ATRNL1: variants seen among roughly 807,000 people sequenced by gnomAD.
ATRNL1 encodes the protein attractin like 1.
Under a neutral mutation model 182.7 loss-of-function variants are expected in ATRNL1, and 95 were observed. The ratio of observed to expected loss-of-function variants is 0.52; its 90% CI spans 0.44 to 0.62. The LOEUF (loss-of-function observed/expected upper bound fraction) is 0.62, where lower values mean the gene tolerates loss of function less well. Among genes scored for constraint, ATRNL1 ranks in the 20% least tolerant of loss-of-function variants. The probability of loss-of-function intolerance (pLI) is 0.00; values close to 1 mark genes in which losing one functional copy is unlikely to be tolerated. For missense variants in ATRNL1, 1,471 were observed against 1,679.5 expected (o/e 0.88, Z 2.17); for synonymous variants, 576 against 568.3 (o/e 1.01, Z -0.19).
chr10:115,797,488 A>T (rs1233769137), intron 27 of ATRNL1, among the ~76,000 whole-genome samples: 2 of 152,130 alleles, frequency 1.3e-5, no homozygotes, highest in Non-Finnish European at 2.9e-5. Context: ...CAGCCCACCA[A>T]CTGCAAGGCT....
At chr10:115,639,793 G>A (rs1859115975) in intron 26 of ATRNL1, among the ~76,000 whole-genome samples, 1 of 148,842 alleles carries the variant, frequency 6.7e-6, no homozygotes, top group Non-Finnish European at 1.5e-5. Flanking sequence ...ATGAAAATGA[G>A]GGGTTTTTTT....
At chr10:115,944,217 C>A (rs1318003838) in intron 28 of ATRNL1, among the ~76,000 whole-genome samples, 1 of 120,624 alleles carries the variant, frequency 8.3e-6, no homozygotes, top group Non-Finnish European at 1.9e-5. Context: ...AATATTGGTT[C>A]AATTTTTCTG....
intron 10 of ATRNL1, among the ~76,000 whole-genome samples, chr10:115,256,043 A>T (rs887620885): frequency 1.3e-5 from 2 of 152,172 alleles, no homozygotes; most frequent in African/African-American, 4.8e-5. Context: ...GTTTGCCAGT[A>T]TTTTATTGAG....
At chr10:115,257,356 T>G (rs978531437) in intron 10 of ATRNL1, among the ~76,000 whole-genome samples, 1 of 152,238 alleles carries the variant, frequency 6.6e-6, no homozygotes, top group Admixed American at 6.5e-5. Flanking sequence ...CTCTTCTTGT[T>G]AAATTGATCC....
chr10:115,433,785 G>C (rs1244714113), intron 21 of ATRNL1, among the ~76,000 whole-genome samples: 4 of 151,998 alleles, frequency 2.6e-5, no homozygotes, highest in Non-Finnish European at 5.9e-5. Context: ...AAATTTATTT[G>C]ACTTATATAT....
Position 115,230,870 on chromosome 10 carries a change from T to TGAGAGAGAGAGAGAGAGAGAGA in ATRNL1, c.1533-10670_1533-10649dup, listed in dbSNP as rs1169884107. The stretch of plus-strand genomic sequence containing the variant: ...ACTAGGGGACTGGATATAGAGTGGA[T>TGAGAGAGAGAGAGAGAGAGAGA]GAGAGAGAGAGAGAGAGAGAGAGAG... On this transcript the variant is annotated intron_variant, in intron 9 of 28. Transcript: ENST00000355044. Among the ~76,000 whole-genome samples, 151 of 83,718 alleles carry TGAGAGAGAGAGAGAGAGAGAGA rather than the reference T, an allele frequency of 1.8e-3. 2 individuals carry two copies. The highest frequency in any genetic ancestry group is 2.2e-3 in the Non-Finnish European group (102 of 45,532). 54.9% of individuals were successfully genotyped at this position (83,718 alleles called of 152,430 possible). A position where few individuals can be genotyped will look rare whatever the true frequency, so the allele number is the denominator to read the frequency against.
intron 25 of ATRNL1, among the ~76,000 whole-genome samples, chr10:115,533,134 A>G (rs1554988931): frequency 6.6e-6 from 1 of 152,106 alleles, no homozygotes; most frequent in African/African-American, 2.4e-5. Flanking sequence ...GTTAGGGAGG[A>G]TTCCCTCTTT....
intron 26 of ATRNL1, among the ~76,000 whole-genome samples, chr10:115,645,458 C>A (rs573990416): frequency 1.4e-3 from 200 of 146,016 alleles, no homozygotes; most frequent in African/African-American, 4.6e-3. Context: ...ATTTATATAT[C>A]TATATAATAT....
chr10:115,334,558 A>G (rs2134074432), intron 19 of ATRNL1, 139 bp downstream of exon 19: 3 of 464,958 alleles, frequency 6.5e-6, no homozygotes, highest in Non-Finnish European at 1.1e-5. Context: ...AGTAATACAT[A>G]TTAGAAACTG....
At chr10:115,898,615 G>C (rs144568426) in intron 28 of ATRNL1, among the ~76,000 whole-genome samples, 495 of 152,270 alleles carry the variant, frequency 3.3e-3, no homozygotes, top group African/African-American at 0.011. Context: ...CACACACCTT[G>C]TCTAGGAGAC....
At chr10:115,309,629 T>C (rs551604024) in intron 17 of ATRNL1, among the ~76,000 whole-genome samples, 1 of 152,248 alleles carries the variant, frequency 6.6e-6, no homozygotes, top group African/African-American at 2.4e-5. Flanking sequence ...TTTGTAACCT[T>C]AGACTTTACT....
intron 10 of ATRNL1, among the ~76,000 whole-genome samples, chr10:115,249,382 A>G (rs1554904893): frequency 6.6e-6 from 1 of 152,218 alleles, no homozygotes; most frequent in East Asian, 1.9e-4. Flanking sequence ...TATATTGTGA[A>G]AAAACATGAG....
chr10:115,093,463 C>T lies in ATRNL1; in HGVS notation c.-288C>T, dbSNP rs1478246064. 3 of 567,230 alleles carry T rather than the reference C, an allele frequency of 5.3e-6. No individual in the cohort carries two copies. Among genetic ancestry groups the T allele is most frequent in the Admixed American group, 2.5e-5 (1 of 39,790 alleles). 35.1% of individuals were successfully genotyped at this position (567,230 alleles called of 1,614,324 possible). A position where few individuals can be genotyped will look rare whatever the true frequency, so the allele number is the denominator to read the frequency against. ...AGCGCCGGGCGCAGTCTGCGCCTCC[C>T]GCTCCCCGCCTCCGGCCGGGTCCGG... On this transcript the variant is annotated 5_prime_UTR_variant, in exon 1 of 29. Transcript: ENST00000355044. This position sits in a 1 kb window ranked among gnomAD's most constrained non-coding sequence, Gnocchi z 6.1.
chr10:115,389,584 A>ACATATATATATATG (rs1564990313), intron 19 of ATRNL1, among the ~76,000 whole-genome samples: 1 of 97,464 alleles, frequency 1.0e-5, no homozygotes, highest in African/African-American at 4.1e-5. Context: ...ATATATATAT[A>ACATATATATATATG]TATATATTTC....
At chr10:115,314,919 G>A (rs928177331) in intron 17 of ATRNL1, among the ~76,000 whole-genome samples, 2 of 152,192 alleles carry the variant, frequency 1.3e-5, no homozygotes, top group Non-Finnish European at 2.9e-5. Flanking sequence ...CCTGGCTGAA[G>A]GAGAGTACCA....
chr10:115,120,969 G>A (rs1001264714), intron 2 of ATRNL1, among the ~76,000 whole-genome samples: 23 of 152,066 alleles, frequency 1.5e-4, no homozygotes, highest in African/African-American at 5.3e-4. Context: ...AATAAGAATA[G>A]TGGCTTCTTG....
chr10:115,337,989 C>T (rs1288552474), intron 19 of ATRNL1, among the ~76,000 whole-genome samples: 4 of 151,690 alleles, frequency 2.6e-5, no homozygotes, highest in African/African-American at 9.7e-5. Context: ...GGTTTGAGCT[C>T]CTATGAGAAT....
intron 24 of ATRNL1, among the ~76,000 whole-genome samples, chr10:115,505,836 T>A (rs919703772): frequency 6.8e-6 from 1 of 146,178 alleles, no homozygotes; most frequent in Non-Finnish European, 1.5e-5. Flanking sequence ...CCTTTAAAAA[T>A]TTTTTTAAAT....
chr10:115,176,905 T>C (rs781912220), intron 8 of ATRNL1, among the ~76,000 whole-genome samples: 2 of 152,128 alleles, frequency 1.3e-5, no homozygotes, highest in African/African-American at 2.4e-5. Flanking sequence ...ATATTCTTAC[T>C]GGAGTCCTAG....
Sources: gnomAD v4.1 joint callset for allele counts (sites outside exome capture counted in the v4.1 genomes callset) on GRCh38, gnomAD v4.1.1 for gene constraint, Gnocchi (gnomAD v3.1) non-coding constraint, MANE v1.5 for transcripts, NCBI Gene and HGNC (gene_info 2026-07-23, HGNC 2026-07-21) for gene names.